The following TIAM1 variants were observed in gnomAD, a reference collection of about 807,000 sequenced individuals.
The protein encoded by TIAM1 is TIAM Rac1 associated GEF 1, also known as rho guanine nucleotide exchange factor TIAM1.
Under a neutral mutation model 163.5 loss-of-function variants are expected in TIAM1, and 65 were observed. The ratio of observed to expected loss-of-function variants is 0.40; its 90% CI spans 0.33 to 0.49. The LOEUF is 0.49. Among genes scored for constraint, TIAM1 ranks in the 20% least tolerant of loss-of-function variants. The probability of loss-of-function intolerance (pLI) is 0.77; values close to 1 mark genes in which losing one functional copy is unlikely to be tolerated. For synonymous variants in TIAM1, 833 were observed against 810.1 expected (o/e 1.03, Z -0.48); for missense variants, 1,789 against 2,044.7 (o/e 0.87, Z 2.41).
Position 31,266,490 on chromosome 21 carries a change from C to T in TIAM1, c.483G>A (p.Glu161=), listed in dbSNP as rs61734756. The change falls in exon 4 of 28, where the codon GAG becomes GAA. Residue 161 remains glutamate (E), a synonymous_variant. Transcript: ENST00000541036. ...AGCGTTTCTTCTTAAAGCTCGCCGT[C>T]TCCATGAAAGTGGGCCCATTGGATG... ...SYTSNGPTFM[E]TASFKKKRSK... The T allele has an allele frequency of 1.2e-3, 2,009 of 1,614,214 alleles. 21 individuals are homozygous for T. In the African/African-American group the frequency reaches 0.024, roughly 19 times the overall value.
intron 1 of TIAM1, among the ~76,000 whole-genome samples, chr21:31,478,218 T>A (rs1428954101): frequency 6.6e-6 from 1 of 152,238 alleles, no homozygotes; most frequent in Non-Finnish European, 1.5e-5. Flanking sequence ...TAGACACATG[T>A]AAACTTTTTA....
Position 31,182,604 on chromosome 21 carries a change from C to G in TIAM1, c.2704G>C (p.Ala902Pro). The G allele has an allele frequency of 6.2e-7, 1 of 1,613,278 alleles. No homozygotes were observed. The highest frequency in any genetic ancestry group is 8.5e-7 in the Non-Finnish European group (1 of 1,179,734). ...ATAGAAGAGTTCAGGGCGTCAGCAG[C>G]ACGATTATTGATCTCAAGAATCTCA... The part of the protein sequence containing the change: ...GDEILEINNR[A>P]ADALNSSMLK... Residue 902 changes from alanine to proline, a missense_variant, in exon 15 of 28, where the codon GCT becomes CCT. Transcript: ENST00000541036.
intron 13 of TIAM1, among the ~76,000 whole-genome samples, chr21:31,188,800 C>A (rs367766199): frequency 1.3e-5 from 2 of 152,100 alleles, no homozygotes; most frequent in South Asian, 4.1e-4. Flanking sequence ...TCTCAAACTC[C>A]TGGCCTCATG....
chr21:31,144,974 G>GAATCTAATC (rs2083044627), intron 20 of TIAM1, among the ~76,000 whole-genome samples: 2 of 151,882 alleles, frequency 1.3e-5, no homozygotes, highest in African/African-American at 4.8e-5. Flanking sequence ...ATCTAATTGA[G>GAATCTAATC]TGATTAAAAA....
intron 2 of TIAM1, among the ~76,000 whole-genome samples, chr21:31,299,534 T>C (rs2074421831): frequency 6.6e-6 from 1 of 152,226 alleles, no homozygotes; most frequent in South Asian, 2.1e-4. Context: ...GGTTAATTAT[T>C]AATCTTGAAA....
At chr21:31,156,280 T>C (rs1331467932) in intron 16 of TIAM1, among the ~76,000 whole-genome samples, 4 of 152,228 alleles carry the variant, frequency 2.6e-5, no homozygotes, top group Non-Finnish European at 5.9e-5. Flanking sequence ...GCTTATTCAT[T>C]GCTAGCACTA....
At chr21:31,322,386 A>G (rs1432728931) in intron 2 of TIAM1, among the ~76,000 whole-genome samples, 1 of 147,832 alleles carries the variant, frequency 6.8e-6, no homozygotes, top group East Asian at 2.0e-4. Context: ...GTACCTGTGG[A>G]GAGCACTCCT....
chr21:31,284,200 T>C (rs2073694909), intron 2 of TIAM1, among the ~76,000 whole-genome samples: 1 of 152,192 alleles, frequency 6.6e-6, no homozygotes, highest in Admixed American at 6.5e-5. Flanking sequence ...CTCAGTGTTT[T>C]CATACCTCCT....
chr21:31,510,033 C>T (rs2047161712), intron 1 of TIAM1, among the ~76,000 whole-genome samples: 1 of 152,238 alleles, frequency 6.6e-6, no homozygotes. Flanking sequence ...AAGCCTGGTG[C>T]TATGGTTCTG....
chr21:31,255,769 T>C (rs1444760701), intron 4 of TIAM1, among the ~76,000 whole-genome samples: 1 of 152,208 alleles, frequency 6.6e-6, no homozygotes, highest in Non-Finnish European at 1.5e-5. Flanking sequence ...ACATGGTTCA[T>C]GATCTAGCTG....
Position 31,154,338 on chromosome 21 carries a change from G to A in TIAM1, c.3080C>T (p.Pro1027Leu). 1 of 1,614,146 alleles carries A rather than the reference G, an allele frequency of 6.2e-7. No homozygotes were observed. Among genetic ancestry groups the A allele is most frequent in the Non-Finnish European group, 8.5e-7 (1 of 1,180,028 alleles). ...QSPSPQDSTG[P>L]QLATMRQLSD... ...GAGTTGTCTCATGGTCGCCAGCTGA[G>A]GCCCCGTGGAGTCCTGAGGAGATGG... Residue 1027 changes from proline (P) to leucine (L), a missense_variant, in exon 17 of 28, where the codon CCT becomes CTT. Coordinates refer to ENST00000541036, the MANE Select transcript of TIAM1 (RefSeq NM_001353694.2).
chr21:31,274,999 G>T (rs1412810954), intron 3 of TIAM1, among the ~76,000 whole-genome samples: 3 of 151,722 alleles, frequency 2.0e-5, no homozygotes, highest in Admixed American at 2.0e-4. Context: ...AGGGGTGCCT[G>T]TAATCCCAGC....
chr21:31,491,562 C>T (rs555646668), intron 1 of TIAM1, among the ~76,000 whole-genome samples: 8 of 152,202 alleles, frequency 5.3e-5, no homozygotes, highest in Non-Finnish European at 1.0e-4. Flanking sequence ...CCTTTCTTCA[C>T]ACTCTGTCTG....
In TIAM1 at chr21:31,252,206, G is replaced by A. The variant is rs766673520; in HGVS notation, c.964-17C>T. On this transcript the variant is annotated splice_polypyrimidine_tract_variant and intron_variant, in intron 4 of 27. Coordinates refer to ENST00000541036, the MANE Select transcript of TIAM1 (RefSeq NM_001353694.2). ...ATTAACATCCTTGGGAGCAGAAAGA[G>A]AGAGCAAAGAAGACAAGCGTCACGT... is the stretch of plus-strand genomic sequence containing the variant. The A allele has an allele frequency of 1.1e-5, 18 of 1,594,412 alleles. No homozygotes were observed. In the South Asian group the frequency reaches 1.9e-4, roughly 17 times the overall value.
intron 19 of TIAM1, among the ~76,000 whole-genome samples, chr21:31,147,290 T>C (rs116103628): frequency 0.011 from 1,692 of 152,244 alleles, 31 homozygotes; most frequent in African/African-American, 0.038. Context: ...ATCCGGGCTG[T>C]TTGAATGTTG....
At position 31,146,980 on chromosome 21, in the gene TIAM1, T is replaced by C. The variant is rs146247901; in HGVS notation, c.3390A>G (p.Gly1130=). 216 of 1,613,668 alleles carry C rather than the reference T, an allele frequency of 1.3e-4. No homozygotes were observed. The highest frequency in any genetic ancestry group is 1.8e-4 in the Non-Finnish European group (209 of 1,179,818). ...AGCGGTCAGCATAATACAGGAATGA[T>C]CCCCCCAGAGAGAACAGCACTTTCT... ...QFKKVLFSLG[G]SFLYYADRFK... is the part of the protein sequence containing the mutation. Residue 1130 remains glycine (G), a synonymous_variant, in exon 20 of 28, where the codon GGA becomes GGG. Coordinates refer to ENST00000541036, the MANE Select transcript of TIAM1 (RefSeq NM_001353694.2).
intron 2 of TIAM1, among the ~76,000 whole-genome samples, chr21:31,391,138 G>C (rs936896830): frequency 1.3e-5 from 2 of 152,106 alleles, no homozygotes; most frequent in African/African-American, 4.8e-5. Context: ...GGCAGCTCTT[G>C]GTGGGGATTT....
chr21:31,309,777 T>C (rs2074854056), intron 2 of TIAM1, among the ~76,000 whole-genome samples: 1 of 152,228 alleles, frequency 6.6e-6, no homozygotes, highest in African/African-American at 2.4e-5. Context: ...AACCCAAATC[T>C]GATTTCAACT....
At chr21:31,534,167 C>G (rs148853305) in intron 1 of TIAM1, among the ~76,000 whole-genome samples, 1 of 152,212 alleles carries the variant, frequency 6.6e-6, no homozygotes, top group Admixed American at 6.5e-5. Flanking sequence ...ACAAAAACCA[C>G]GCTAGGCGCT....
Sources: allele counts gnomAD v4.1 joint callset (sites outside exome capture counted in the v4.1 genomes callset), GRCh38; gene constraint gnomAD v4.1.1; transcripts MANE v1.5; gene names NCBI Gene and HGNC (gene_info 2026-07-23, HGNC 2026-07-21).